Variants in PTP4A1 observed in about 807,000 individuals in gnomAD.
PTP4A1 encodes the protein protein tyrosine phosphatase type IVA 1.
A neutral mutation model predicts 20.5 loss-of-function variants in PTP4A1; 9 were observed. The ratio of observed to expected loss-of-function variants is 0.44; its 90% CI spans 0.26 to 0.77. The LOEUF is 0.77. PTP4A1 is among the 30% of genes least tolerant of loss of function. The pLI, the probability that PTP4A1 is intolerant of heterozygous loss-of-function variation, is 0.19. For synonymous variants in PTP4A1, 78 were observed against 67.4 expected (o/e 1.16, Z -0.77); for missense variants, 137 against 218.8 (o/e 0.63, Z 2.36).
At chr6:63,518,226 C>A (rs1774801965), upstream of PTP4A1, among the ~76,000 whole-genome samples, 1 of 151,724 alleles carries the variant, frequency 6.6e-6, no homozygotes, top group Non-Finnish European at 1.5e-5. Flanking sequence ...TTTGTGCCAC[C>A]TTTTCCATAA....
intron 2 of PTP4A1, among the ~76,000 whole-genome samples, chr6:63,530,895 G>A (rs941564565): frequency 1.3e-5 from 2 of 152,078 alleles, no homozygotes; most frequent in African/African-American, 2.4e-5. Context: ...AACTATCAGA[G>A]ATGTAATGAT....
intron 1 of PTP4A1, among the ~76,000 whole-genome samples, chr6:63,526,516 A>G (rs538559278): frequency 6.6e-6 from 1 of 151,960 alleles, no homozygotes; most frequent in South Asian, 2.1e-4. Context: ...TATTTTTTTA[A>G]AAAGATTTTT....
chr6:63,556,662 C>T (rs1166391346), intron 3 of PTP4A1, among the ~76,000 whole-genome samples: 8 of 152,174 alleles, frequency 5.3e-5, no homozygotes, highest in African/African-American at 1.2e-4. Context: ...ATGTCACTAT[C>T]GCTTTGGGTG....
rs575051281 is a variant in PTP4A1, at chr6:63,573,055, G to A, written c.-446+336G>A. On this transcript the variant is annotated intron_variant, in intron 1 of 5. Transcript: ENST00000626021. ...GCAGTTTCGGCTTCCGCAGCGGGCC[G>A]GGTGGGTGGCACAAAAGCCGCTTTG... Among the ~76,000 whole-genome samples, 32 of 152,086 alleles carry A rather than the reference G, an allele frequency of 2.1e-4. No homozygotes were observed. In the South Asian group the frequency reaches 6.6e-3, roughly 32 times the overall value.
Position 63,583,089 on chromosome 6 carries a change from A to G in PTP4A1, c.*2915A>G, listed in dbSNP as rs1334919555. ...ATGGTGTCACCAGATTTTGGTCACC[A>G]ATGAGTACCCGACCCGTTGCCATGA... On this transcript the variant is annotated 3_prime_UTR_variant, in exon 6 of 6. Coordinates refer to ENST00000626021, the MANE Select transcript of PTP4A1 (RefSeq NM_003463.5). The G allele has an allele frequency of 6.6e-6, 1 of 152,208 alleles. No individual in the cohort carries two copies. The highest frequency in any genetic ancestry group is 6.5e-5 in the Admixed American group (1 of 15,280). The allele number at this position is 152,208 out of a possible 1,614,324, so 9.4% of individuals were successfully genotyped here. A position where few individuals can be genotyped will look rare whatever the true frequency, so the allele number is the denominator to read the frequency against.
intron 3 of PTP4A1, among the ~76,000 whole-genome samples, chr6:63,565,152 A>G (rs953995399): frequency 2.0e-5 from 3 of 151,854 alleles, no homozygotes; most frequent in Non-Finnish European, 2.9e-5. Context: ...AGCTACAACT[A>G]CAGGAATGCA....
chr6:63,530,634 A>C (rs1269269218), intron 2 of PTP4A1, among the ~76,000 whole-genome samples: 1 of 152,206 alleles, frequency 6.6e-6, no homozygotes, highest in Non-Finnish European at 1.5e-5. Flanking sequence ...TAATAGAAAA[A>C]AAGGAGAAGA....
At chr6:63,535,423 G>T (rs1024791589) in intron 2 of PTP4A1, among the ~76,000 whole-genome samples, 2 of 152,016 alleles carry the variant, frequency 1.3e-5, no homozygotes, top group Non-Finnish European at 2.9e-5. Context: ...ACCCGAGATT[G>T]CACCACTGCA....
At chr6:63,516,542 C>A in the PTP4A1 span, among the ~76,000 whole-genome samples, 1 of 152,186 alleles carries the variant, frequency 6.6e-6, no homozygotes, top group Admixed American at 6.5e-5. Context: ...CATTTAACTT[C>A]TTATGACTCA....
At chr6:63,521,741 C>T (rs1018990199), upstream of PTP4A1, 1 of 152,270 alleles carries the variant, frequency 6.6e-6, no homozygotes, top group Admixed American at 6.5e-5. Context: ...CTTTCTGACC[C>T]TCCCAGGACT....
chr6:63,580,419 C>G lies in PTP4A1; in HGVS notation c.*245C>G, dbSNP rs1269714347. The stretch of plus-strand genomic sequence containing the variant: ...TATAAAATGTGCTTGTCATTTGTAT[C>G]AATTGACCTTTCCCCAAATCATGCA... On this transcript the variant is annotated 3_prime_UTR_variant, in exon 6 of 6. Transcript: ENST00000626021. 4.8e-6 allele frequency: 2 copies of G among 418,906 alleles called. No homozygotes were observed. The highest frequency in any genetic ancestry group is 8.7e-6 in the Non-Finnish European group (2 of 229,188). 25.9% of individuals were successfully genotyped at this position (418,906 alleles called of 1,614,324 possible). A position where few individuals can be genotyped will look rare whatever the true frequency, so the allele number is the denominator to read the frequency against.
chr6:63,571,059 T>A (rs1777400577), upstream of PTP4A1: 1 of 152,220 alleles, frequency 6.6e-6, no homozygotes, highest in South Asian at 2.1e-4. Flanking sequence ...AGTGTGCTAG[T>A]TTTCCTTGAT....
intron 3 of PTP4A1, among the ~76,000 whole-genome samples, chr6:63,556,555 G>A (rs1318139188): frequency 6.6e-6 from 1 of 152,142 alleles, no homozygotes; most frequent in South Asian, 2.1e-4. Flanking sequence ...TCAGGGCGTG[G>A]TTTCTGTATG....
intron 3 of PTP4A1, among the ~76,000 whole-genome samples, chr6:63,557,416 A>G (rs1219227276): frequency 1.3e-5 from 2 of 151,912 alleles, no homozygotes; most frequent in Admixed American, 1.3e-4. Flanking sequence ...AAATACAAAA[A>G]TTATCTGGTG....
At chr6:63,557,173 T>C (rs1313270927) in intron 3 of PTP4A1, among the ~76,000 whole-genome samples, 1 of 152,168 alleles carries the variant, frequency 6.6e-6, no homozygotes, top group East Asian at 1.9e-4. Context: ...ATTATCATCA[T>C]GGGATGAATG....
intron 2 of PTP4A1, among the ~76,000 whole-genome samples, chr6:63,549,712 G>A (rs1460390487): frequency 6.6e-6 from 1 of 151,726 alleles, no homozygotes; most frequent in African/African-American, 2.4e-5. Context: ...GGAACCTAAA[G>A]TTAAACACAG....
At chr6:63,568,140 A>C (rs1013307144), upstream of PTP4A1, among the ~76,000 whole-genome samples, 3 of 152,228 alleles carry the variant, frequency 2.0e-5, no homozygotes, top group Admixed American at 1.3e-4. Flanking sequence ...TGTTCACTGG[A>C]GTGGCACTTT....
At chr6:63,535,815 T>A (rs951504715) in intron 2 of PTP4A1, among the ~76,000 whole-genome samples, 1 of 152,160 alleles carries the variant, frequency 6.6e-6, no homozygotes, top group Non-Finnish European at 1.5e-5. Context: ...CGATGGCTCA[T>A]GTTAAGTCCA....
upstream of PTP4A1, among the ~76,000 whole-genome samples, chr6:63,567,520 T>A (rs969600826): frequency 6.6e-6 from 1 of 152,216 alleles, no homozygotes; most frequent in Non-Finnish European, 1.5e-5. Flanking sequence ...AAATATTTAG[T>A]GAGCCATGCT....
Sources: allele counts gnomAD v4.1 joint callset (sites outside exome capture counted in the v4.1 genomes callset), GRCh38; gene constraint gnomAD v4.1.1; transcripts MANE v1.5; gene names NCBI Gene and HGNC (gene_info 2026-07-23, HGNC 2026-07-21).